The following SLC10A2 variants were observed in gnomAD, a reference collection of about 807,000 sequenced individuals.
SLC10A2 encodes ileal sodium/bile acid cotransporter.
In SLC10A2, 34 loss-of-function variants were observed where a neutral mutation model predicts 27.1. The observed-to-expected ratio is 1.26, with a 90% CI of 0.96 to 1.67. The LOEUF is 1.67. Ranked by LOEUF, SLC10A2 falls within the 40% of genes most tolerant of loss-of-function variation. The pLI is 0.00. For synonymous variants in SLC10A2, 205 were observed against 174.0 expected (o/e 1.18, Z -1.40); for missense variants, 530 against 444.4 (o/e 1.19, Z -1.73).
intron 5 of SLC10A2, among the ~76,000 whole-genome samples, chr13:103,047,392 C>G (rs1875643772): frequency 6.6e-6 from 1 of 152,080 alleles, no homozygotes; most frequent in African/African-American, 2.4e-5. Context: ...ATTTGAAGAT[C>G]CGCCACTTAT....
chr13:103,046,005 G>A lies in SLC10A2; in HGVS notation c.*128C>T. 1 of 1,108,840 alleles carries A rather than the reference G, an allele frequency of 9.0e-7. No individual in the cohort carries two copies. Among genetic ancestry groups the A allele is most frequent in the Non-Finnish European group, 1.3e-6 (1 of 746,470 alleles). 68.7% of individuals were successfully genotyped at this position (1,108,840 alleles called of 1,614,324 possible). The stretch of plus-strand genomic sequence containing the variant: ...TCACTTGGTACTGAAACCAATACAT[G>A]AATTCCAATGAAATTCCAATTTTCA... On this transcript the variant is annotated 3_prime_UTR_variant, in exon 6 of 6. Transcript: ENST00000245312.
At chr13:103,047,101 C>G (rs147050796) in intron 5 of SLC10A2, among the ~76,000 whole-genome samples, 73 of 152,284 alleles carry the variant, frequency 4.8e-4, no homozygotes, top group Non-Finnish European at 9.6e-4. Context: ...TCTAATACCT[C>G]ACATATAAAA....
At chr13:103,055,892 C>T (rs1038501358) in intron 2 of SLC10A2, among the ~76,000 whole-genome samples, 1 of 152,198 alleles carries the variant, frequency 6.6e-6, no homozygotes, top group Non-Finnish European at 1.5e-5. Context: ...AGCTTGCAGC[C>T]TATGCCCCTT....
intron 1 of SLC10A2, among the ~76,000 whole-genome samples, chr13:103,062,315 T>C (rs1298820171): frequency 1.3e-5 from 2 of 152,246 alleles, no homozygotes; most frequent in African/African-American, 4.8e-5. Context: ...ATTCCAATTC[T>C]GACTCAGGCA....
At position 103,045,852 on chromosome 13, in the gene SLC10A2, T is replaced by A; in HGVS notation, c.*281A>T. ...CATTCTCGGTGTTCCCTATGTCAGGTTTAGTCTGAGAATATTTTGGGGGAA... is the reference window on the plus strand; with the variant it reads ...CATTCTCGGTGTTCCCTATGTCAGGATTAGTCTGAGAATATTTTGGGGGAA... On this transcript the variant is annotated 3_prime_UTR_variant, in exon 6 of 6. Transcript: ENST00000245312. The A allele has an allele frequency of 3.7e-6, 1 of 270,670 alleles. No homozygotes were observed. Among genetic ancestry groups the A allele is most frequent in the Non-Finnish European group, 7.1e-6 (1 of 141,122 alleles). 16.8% of individuals were successfully genotyped at this position (270,670 alleles called of 1,614,324 possible).
Position 103,046,170 on chromosome 13 carries a change from T to TA in SLC10A2, c.1009dup (p.Tyr337LeufsTer2). ...AGGTTGAAATCCTCCATTTGCCTTA[T>TA]AAAACGATGACTCTGGCTCCGTTCC... is the stretch of plus-strand genomic sequence containing the variant. On this transcript the variant is annotated frameshift_variant, in exon 6 of 6. Transcript: ENST00000245312. LOFTEE classifies it high-confidence loss of function. 1 of 1,614,032 alleles carries TA rather than the reference T, an allele frequency of 6.2e-7. No individual in the cohort carries two copies. Among genetic ancestry groups the TA allele is most frequent in the Non-Finnish European group, 8.5e-7 (1 of 1,179,906 alleles).
rs539176016 is a variant in SLC10A2 at position 103,061,334 on chromosome 13, CT to C, written c.378-2953del. On this transcript the variant is annotated intron_variant, in intron 1 of 5. Transcript: ENST00000245312. The stretch of plus-strand genomic sequence containing the variant: ...CCTTCCTCTCTTCTTTCAGTGTTCT[CT>C]TTTTTTTTATTTTATTTTAAAAAAT... Among the ~76,000 whole-genome samples the C allele has an allele frequency of 4.7e-4, 71 of 150,992 alleles. 1 individual carries two copies. In the South Asian group the frequency reaches 6.7e-3, roughly 14 times the overall value.
intron 2 of SLC10A2, among the ~76,000 whole-genome samples, chr13:103,056,948 ATT>A (rs894635370): frequency 3.3e-5 from 5 of 152,168 alleles, no homozygotes; most frequent in African/African-American, 1.2e-4. Flanking sequence ...GTTTATTCTA[ATT>A]CAGTTGTATA....
intron 2 of SLC10A2, among the ~76,000 whole-genome samples, chr13:103,053,755 T>C (rs1875857025): frequency 6.6e-6 from 1 of 152,194 alleles, no homozygotes; most frequent in African/African-American, 2.4e-5. Flanking sequence ...CATAATTTCC[T>C]TGTAGTCTTC....
At chr13:103,056,598 G>A (rs558268128) in intron 2 of SLC10A2, among the ~76,000 whole-genome samples, 1 of 152,036 alleles carries the variant, frequency 6.6e-6, no homozygotes, top group Non-Finnish European at 1.5e-5. Flanking sequence ...TCAGCAGACA[G>A]GTTCTTTGAG....
chr13:103,061,705 G>T (rs1048425445), intron 1 of SLC10A2, among the ~76,000 whole-genome samples: 1 of 152,132 alleles, frequency 6.6e-6, no homozygotes, highest in Non-Finnish European at 1.5e-5. Flanking sequence ...GAGAAGGAAA[G>T]GTTTAGACTT....
chr13:103,063,426 C>T (rs1876183563), intron 1 of SLC10A2, among the ~76,000 whole-genome samples: 1 of 152,106 alleles, frequency 6.6e-6, no homozygotes, highest in Admixed American at 6.5e-5. Context: ...GTCTTCATGC[C>T]ATTGCTGGAG....
intron 2 of SLC10A2, among the ~76,000 whole-genome samples, chr13:103,056,910 C>A (rs7324197): frequency 0.41 from 62,001 of 151,958 alleles, 12,942 homozygotes; most frequent in African/African-American, 0.49. Flanking sequence ...CATTGTAATA[C>A]AGATCATCCC....
intron 1 of SLC10A2, among the ~76,000 whole-genome samples, chr13:103,063,213 T>C (rs1876177036): frequency 6.6e-6 from 1 of 152,136 alleles, no homozygotes; most frequent in Non-Finnish European, 1.5e-5. Flanking sequence ...TGTCTATTTT[T>C]TTTTTGTTTT....
At chr13:103,047,518 T>TCCTC (rs199665788) in intron 5 of SLC10A2, among the ~76,000 whole-genome samples, 5 of 147,716 alleles carry the variant, frequency 3.4e-5, no homozygotes, top group Non-Finnish European at 6.0e-5. Context: ...CTCCCTGCCT[T>TCCTC]CCTCCCTCCC....
chr13:103,048,609 G>A (rs563697244), intron 5 of SLC10A2, among the ~76,000 whole-genome samples: 2 of 151,976 alleles, frequency 1.3e-5, no homozygotes, highest in South Asian at 2.1e-4. Flanking sequence ...AAAAATAGAG[G>A]TTAAATATTA....
At position 103,044,116 on chromosome 13, in the gene SLC10A2, A is replaced by C. The variant is rs1406855277; in HGVS notation, c.*2017T>G. The C allele has an allele frequency of 6.6e-6, 1 of 152,214 alleles. No homozygotes were observed. The highest frequency in any genetic ancestry group is 1.5e-5 in the Non-Finnish European group (1 of 68,040). 9.4% of individuals were successfully genotyped at this position (152,214 alleles called of 1,614,324 possible). A position where few individuals can be genotyped will look rare whatever the true frequency, so the allele number is the denominator to read the frequency against. ...TTTTCAAATTCATTTAAAAATAGAGAGCTATCATTTTAGAAAGCTCAGCTA... is the reference window on the plus strand; with the variant it reads ...TTTTCAAATTCATTTAAAAATAGAGCGCTATCATTTTAGAAAGCTCAGCTA... On this transcript the variant is annotated 3_prime_UTR_variant, in exon 6 of 6. Transcript: ENST00000245312.
In SLC10A2 at chr13:103,045,336, T is replaced by G. The variant is rs1446710333; in HGVS notation, c.*797A>C. ...TGCACACAGGAAAACCTTGAGGAAG[T>G]CCCTCTCCCAGATTTGAAGAGCTCT... On this transcript the variant is annotated 3_prime_UTR_variant, in exon 6 of 6. Transcript: ENST00000245312. The G allele has an allele frequency of 6.6e-6, 1 of 152,166 alleles. No individual in the cohort carries two copies. Among genetic ancestry groups the G allele is most frequent in the East Asian group, 1.9e-4 (1 of 5,202 alleles). The allele number at this position is 152,166 out of a possible 1,614,324, so 9.4% of individuals were successfully genotyped here. A position where few individuals can be genotyped will look rare whatever the true frequency, so the allele number is the denominator to read the frequency against.
At chr13:103,051,617 T>C (rs531856698) in intron 3 of SLC10A2, among the ~76,000 whole-genome samples, 185 bp from the exon 4 acceptor site, 56 of 152,214 alleles carry the variant, frequency 3.7e-4, no homozygotes, top group Non-Finnish European at 1.2e-4. Flanking sequence ...GCTTGTCCCA[T>C]GCTTTAAGCT....
Sources: gnomAD v4.1 joint callset for allele counts (sites outside exome capture counted in the v4.1 genomes callset) on GRCh38, gnomAD v4.1.1 for gene constraint, MANE v1.5 for transcripts, NCBI Gene and HGNC (gene_info 2026-07-23, HGNC 2026-07-21) for gene names.